The following NRXN1 variants were observed in gnomAD, a reference collection of about 807,000 sequenced individuals.
NRXN1 encodes neurexin 1.
A neutral mutation model predicts 150.9 loss-of-function variants in NRXN1; 39 were observed. That is an observed-to-expected ratio of 0.26 (90% CI 0.20 to 0.34). NRXN1 has a LOEUF of 0.34. NRXN1 is among the 10% of genes least tolerant of loss of function. The pLI, the probability that NRXN1 is intolerant of heterozygous loss-of-function variation, is 1.00. For synonymous variants in NRXN1, 924 were observed against 757.0 expected (o/e 1.22, Z -3.62); for missense variants, 1,815 against 1,949.9 (o/e 0.93, Z 1.30).
chr2:50,202,858 A>AT (rs145667152), intron 18 of NRXN1, among the ~76,000 whole-genome samples: 11,661 of 151,492 alleles, frequency 0.077, 558 homozygotes, highest in African/African-American at 0.12. Context: ...ACTGATCCAC[A>AT]TTTTTTTTTG....
Position 50,782,284 on chromosome 2 carries a change from C to T in NRXN1, c.832+139585G>A, listed in dbSNP as rs185001036. Among the ~76,000 whole-genome samples the T allele has an allele frequency of 5.1e-3, 771 of 152,136 alleles. 4 individuals are homozygous for T. Among genetic ancestry groups the T allele is most frequent in the Admixed American group, 7.4e-3 (113 of 15,232 alleles). On this transcript the variant is annotated intron_variant, in intron 5 of 22. Transcript: ENST00000401669. ...AGGAGTTTGAGACCATCCTGGCCAA[C>T]CTGGTGAAATCCCATCTCTACTAAA...
intron 2 of NRXN1, among the ~76,000 whole-genome samples, chr2:50,950,002 G>A (rs1240436936): frequency 1.3e-5 from 2 of 152,108 alleles, no homozygotes; most frequent in Non-Finnish European, 2.9e-5. Context: ...AAGGCAGGAG[G>A]AGATTAATTG....
intron 17 of NRXN1, among the ~76,000 whole-genome samples, chr2:50,439,816 C>CAAAAA (rs57765606): frequency 7.9e-6 from 1 of 126,186 alleles, no homozygotes. Context: ...GACTCTGTCT[C>CAAAAA]AAAAAAAAAA....
chr2:50,426,128 G>T (rs2084465825), intron 17 of NRXN1, among the ~76,000 whole-genome samples: 1 of 152,150 alleles, frequency 6.6e-6, no homozygotes, highest in Non-Finnish European at 1.5e-5. Context: ...AACTGACCTT[G>T]CCTTTTTGAT....
At chr2:50,331,720 A>C (rs1360010545) in intron 17 of NRXN1, among the ~76,000 whole-genome samples, 2 of 152,132 alleles carry the variant, frequency 1.3e-5, no homozygotes, top group African/African-American at 4.8e-5. Context: ...TGTTCAAGTG[A>C]TTTTCCTGCA....
At chr2:50,253,704 T>C (rs1473355510) in intron 17 of NRXN1, among the ~76,000 whole-genome samples, 1 of 152,214 alleles carries the variant, frequency 6.6e-6, no homozygotes, top group Admixed American at 6.5e-5. Context: ...TTTTATGTGA[T>C]GAATTACATT....
At chr2:50,387,954 C>G (rs1201631891) in intron 17 of NRXN1, among the ~76,000 whole-genome samples, 1 of 152,086 alleles carries the variant, frequency 6.6e-6, no homozygotes, top group African/African-American at 2.4e-5. Context: ...AAAAGTAAAA[C>G]TGAAAGATGA....
chr2:50,149,449 A>G (rs2058570789), intron 18 of NRXN1, among the ~76,000 whole-genome samples: 1 of 151,758 alleles, frequency 6.6e-6, no homozygotes. Context: ...TTGCATACAA[A>G]GAGAAGCAAA....
chr2:50,296,092 T>C (rs1277510730), intron 17 of NRXN1, among the ~76,000 whole-genome samples: 1 of 152,188 alleles, frequency 6.6e-6, no homozygotes, highest in South Asian at 2.1e-4. Flanking sequence ...AGGCAGACAA[T>C]GTTAATATTC....
rs70948715 is a variant in NRXN1, at chr2:50,504,140, TAAAAA to T, written c.2497+2350_2497+2354del. On this transcript the variant is annotated intron_variant, in intron 13 of 22. Coordinates refer to ENST00000401669, the MANE Select transcript of NRXN1 (RefSeq NM_001330078.2). Reference sequence around the variant, plus strand: ...AAGGAGGCTAAAGAAACATGACAACTAAAAAAAAAAAAAAAAAAAAATAGCTGGCC... The same window carrying T: ...AAGGAGGCTAAAGAAACATGACAACTAAAAAAAAAAAAAAAATAGCTGGCC... 2.7e-5 allele frequency among the ~76,000 whole-genome samples: 3 copies of T among 112,436 alleles called. No individual in the cohort carries two copies. The East Asian group carries it at 8.3e-4, about 31-fold the overall frequency. 73.8% of individuals were successfully genotyped at this position (112,436 alleles called of 152,430 possible).
intron 5 of NRXN1, chr2:50,624,793 T>C (rs1680712621): frequency 6.6e-6 from 1 of 152,064 alleles, no homozygotes; most frequent in Non-Finnish European, 1.5e-5. Context: ...ATTTTCTACG[T>C]ATCTTATTCT....
At chr2:50,070,898 T>C (rs921179074) in intron 19 of NRXN1, among the ~76,000 whole-genome samples, 1 of 151,642 alleles carries the variant, frequency 6.6e-6, no homozygotes, top group Non-Finnish European at 1.5e-5. Context: ...TTGCATAAAA[T>C]ATATCAGAAT....
chr2:50,531,237 C>T lies in NRXN1; in HGVS notation c.2337G>A (p.Thr779=), dbSNP rs202231291. The change falls in exon 11 of 23, where the codon ACG becomes ACA. Residue 779 remains threonine (T), a synonymous_variant. Transcript: ENST00000401669. The part of the protein sequence containing the change: ...LELDAGRVKL[T]VNLDCIRINC... The stretch of plus-strand genomic sequence containing the variant: ...AAGGCAGGTTGTTACCTAGATTGAC[C>T]GTCAGTTTCACACGTCCTGCGTCTA... 8.1e-6 allele frequency: 13 copies of T among 1,612,400 alleles called. No individual in the cohort carries two copies. In the East Asian group the frequency reaches 1.6e-4, roughly 19 times the overall value.
In NRXN1 at chr2:50,442,455, T is replaced by G. The variant is rs185740972; in HGVS notation, c.3364+22987A>C. 2.4e-3 allele frequency among the ~76,000 whole-genome samples: 362 copies of G among 152,266 alleles called. 1 individual carries two copies. Among genetic ancestry groups the G allele is most frequent in the African/African-American group, 8.4e-3 (348 of 41,558 alleles). On this transcript the variant is annotated intron_variant, in intron 17 of 22. Transcript: ENST00000401669. ...TGCTGAAGTTTCAAGTTATTCAGAT[T>G]ATCCAACCAGATAAACTGAGGCACC...
intron 10 of NRXN1, among the ~76,000 whole-genome samples, chr2:50,537,926 T>C (rs2093302436): frequency 6.6e-6 from 1 of 152,200 alleles, no homozygotes; most frequent in Non-Finnish European, 1.5e-5. Context: ...CCTCTTTTAC[T>C]GTCTAATGTT....
At chr2:50,559,012 G>A (rs1668659487) in intron 8 of NRXN1, among the ~76,000 whole-genome samples, 2 of 152,120 alleles carry the variant, frequency 1.3e-5, no homozygotes, top group Admixed American at 1.3e-4. Flanking sequence ...AACCTGGGAG[G>A]CAGACCTTGC....
chr2:49,962,770 C>T (rs771110338), intron 21 of NRXN1, among the ~76,000 whole-genome samples: 13 of 151,930 alleles, frequency 8.6e-5, no homozygotes, highest in Non-Finnish European at 1.5e-4. Flanking sequence ...CTGGCTAACA[C>T]GGTGAAACCT....
intron 17 of NRXN1, among the ~76,000 whole-genome samples, chr2:50,326,730 A>G (rs1007325679): frequency 2.6e-5 from 4 of 152,154 alleles, no homozygotes; most frequent in Non-Finnish European, 4.4e-5. Flanking sequence ...TATAGAGTTG[A>G]TGCTATCCTA....
intron 2 of NRXN1, among the ~76,000 whole-genome samples, chr2:50,981,839 G>GTA (rs767872578): frequency 1.0e-3 from 116 of 115,706 alleles, no homozygotes; most frequent in East Asian, 5.9e-3. Flanking sequence ...GTGTGTGTGT[G>GTA]TGTATGTGTG....
Sources: gnomAD v4.1 joint callset for allele counts (sites outside exome capture counted in the v4.1 genomes callset) on GRCh38, gnomAD v4.1.1 for gene constraint, MANE v1.5 for transcripts, NCBI Gene and HGNC (gene_info 2026-07-23, HGNC 2026-07-21) for gene names.